KCNMA1: variants seen among roughly 807,000 people sequenced by gnomAD.
KCNMA1 encodes the protein Calcium-activated potassium channel subunit alpha-1.
KCNMA1 carries 29 observed loss-of-function variants against 140.0 expected under a neutral mutation model. The ratio of observed to expected loss-of-function variants is 0.21; its 90% CI spans 0.15 to 0.28. The LOEUF is 0.28. Among genes scored for constraint, KCNMA1 ranks in the 10% least tolerant of loss-of-function variants. The pLI, the probability that KCNMA1 is intolerant of heterozygous loss-of-function variation, is 1.00. For missense variants in KCNMA1, 880 were observed against 1,602.2 expected (o/e 0.55, Z 7.70); for synonymous variants, 612 against 611.9 (o/e 1.00, Z 0.00).
At chr10:77,573,902 A>T (rs1448784737) in intron 1 of KCNMA1, among the ~76,000 whole-genome samples, 1 of 150,830 alleles carries the variant, frequency 6.6e-6, no homozygotes, top group African/African-American at 2.4e-5. Flanking sequence ...CAGTGACACA[A>T]TCTCAGCTCA....
intron 2 of KCNMA1, among the ~76,000 whole-genome samples, chr10:77,274,914 T>C (rs1042861504): frequency 1.3e-5 from 2 of 152,198 alleles, no homozygotes; most frequent in African/African-American, 4.8e-5. Context: ...AGGGAAGTGA[T>C]GAAGACCGAG....
intron 2 of KCNMA1, among the ~76,000 whole-genome samples, chr10:77,323,295 T>C (rs746024296): frequency 6.6e-5 from 10 of 152,092 alleles, no homozygotes; most frequent in Non-Finnish European, 1.5e-5. Flanking sequence ...AAGCAATAGG[T>C]CCCCTCATTT....
At chr10:77,012,986 G>C (rs1297359243) in intron 17 of KCNMA1, among the ~76,000 whole-genome samples, 1 of 152,138 alleles carries the variant, frequency 6.6e-6, no homozygotes, top group Non-Finnish European at 1.5e-5. Context: ...AAATTCACTG[G>C]AACAACCCTA....
In KCNMA1 at chr10:77,536,157, A is replaced by G. The variant is rs11002198; in HGVS notation, c.378+101108T>C. Among the ~76,000 whole-genome samples the G allele has an allele frequency of 1.1e-3, 167 of 152,376 alleles. No individual in the cohort carries two copies. The East Asian group carries it at 0.028, about 25-fold the overall frequency. ...GCAAACTATCACAGGGGCCTCATAAATACATAAAACTATTATGTATCCATA... is the reference window on the plus strand; with the variant it reads ...GCAAACTATCACAGGGGCCTCATAAGTACATAAAACTATTATGTATCCATA... On this transcript the variant is annotated intron_variant, in intron 1 of 27. Transcript: ENST00000286628.
intron 7 of KCNMA1, 82 bp downstream of exon 7, chr10:77,112,285 G>A (rs929532150): frequency 2.0e-6 from 2 of 990,510 alleles, no homozygotes; most frequent in African/African-American, 3.2e-5. Flanking sequence ...TTTCCAGCAA[G>A]ATAAATTTTA....
At chr10:77,247,719 G>A (rs1481471842) in intron 3 of KCNMA1, among the ~76,000 whole-genome samples, 1 of 152,162 alleles carries the variant, frequency 6.6e-6, no homozygotes, top group Non-Finnish European at 1.5e-5. Flanking sequence ...ATGGTGTGTG[G>A]AGGGCTCAAT....
At chr10:77,391,000 C>T (rs2095800971) in intron 2 of KCNMA1, among the ~76,000 whole-genome samples, 1 of 152,112 alleles carries the variant, frequency 6.6e-6, no homozygotes, top group Non-Finnish European at 1.5e-5. Flanking sequence ...AGCCACAAAA[C>T]ATGTGGGGAG....
chr10:77,055,854 G>A (rs965508407), intron 14 of KCNMA1, among the ~76,000 whole-genome samples: 1 of 152,144 alleles, frequency 6.6e-6, no homozygotes, highest in Admixed American at 6.5e-5. Flanking sequence ...AGAGGACATG[G>A]GGAAGTAGTC....
Position 77,110,299 on chromosome 10 carries a change from C to T in KCNMA1, c.1005G>A (p.Gln335=). ...AGACACATTCCCAGTAGGTGAGAGCCTGGTTGTTTTGGAAATTTTCCCATG... is the reference window on the plus strand; with the variant it reads ...AGACACATTCCCAGTAGGTGAGAGCTTGGTTGTTTTGGAAATTTTCCCATG... ...GDPWENFQNN[Q]ALTYWECVYL... is the part of the protein sequence containing the mutation. Residue 335 remains glutamine (Q), a synonymous_variant, in exon 8 of 28, where the codon CAG becomes CAA. Coordinates refer to ENST00000286628, the MANE Select transcript of KCNMA1 (RefSeq NM_001161352.2). 3 of 1,614,022 alleles carry T rather than the reference C, an allele frequency of 1.9e-6. No individual in the cohort carries two copies. The highest frequency in any genetic ancestry group is 2.5e-6 in the Non-Finnish European group (3 of 1,179,908).
chr10:77,483,450 C>T (rs1036096132), intron 1 of KCNMA1, among the ~76,000 whole-genome samples: 4 of 152,160 alleles, frequency 2.6e-5, no homozygotes, highest in Non-Finnish European at 5.9e-5. Flanking sequence ...GGGCAGGTGA[C>T]GAGGAGAAAG....
At chr10:77,377,169 T>C (rs1345696783) in intron 2 of KCNMA1, among the ~76,000 whole-genome samples, 2 of 152,136 alleles carry the variant, frequency 1.3e-5, no homozygotes, top group African/African-American at 4.8e-5. Flanking sequence ...CACAGCACAT[T>C]CCAGGGCAGC....
intron 14 of KCNMA1, among the ~76,000 whole-genome samples, chr10:77,068,698 TTGTGTGTGTGTGTGTG>T (rs199660003): frequency 7.5e-6 from 1 of 132,576 alleles, no homozygotes; most frequent in Non-Finnish European, 1.6e-5. Context: ...GTTCCAGGTT[TTGTGTGTGTGTGTGTG>T]TGTGTGTGTG....
intron 2 of KCNMA1, among the ~76,000 whole-genome samples, chr10:77,280,070 C>A (rs1204477692): frequency 6.6e-6 from 1 of 152,134 alleles, no homozygotes; most frequent in African/African-American, 2.4e-5. Flanking sequence ...TGAAAACTTC[C>A]AGATCCTTCC....
chr10:77,230,227 T>C (rs113760235), intron 3 of KCNMA1, among the ~76,000 whole-genome samples: 4,341 of 152,232 alleles, frequency 0.029, 72 homozygotes, highest in South Asian at 0.091. Context: ...AGATGAAACA[T>C]CTAGAAGAGG....
chr10:76,921,626 C>T (rs921827122), intron 23 of KCNMA1, among the ~76,000 whole-genome samples: 5 of 152,178 alleles, frequency 3.3e-5, no homozygotes, highest in Admixed American at 6.5e-5. Flanking sequence ...AATAGCTCCC[C>T]TGAGCAACTA....
At chr10:77,499,726 C>G (rs1261409558) in intron 1 of KCNMA1, among the ~76,000 whole-genome samples, 1 of 152,130 alleles carries the variant, frequency 6.6e-6, no homozygotes, top group Middle Eastern at 3.4e-3. Context: ...TTAATCAAAA[C>G]AAGGAATTCA....
chr10:77,154,089 C>T (rs1285560243), intron 5 of KCNMA1, among the ~76,000 whole-genome samples: 2 of 152,086 alleles, frequency 1.3e-5, no homozygotes, highest in Non-Finnish European at 2.9e-5. Flanking sequence ...ATGCTTTTCT[C>T]GTGATAGTGA....
At chr10:77,055,854 G>C (rs965508407) in intron 14 of KCNMA1, among the ~76,000 whole-genome samples, 1 of 152,144 alleles carries the variant, frequency 6.6e-6, no homozygotes, top group Non-Finnish European at 1.5e-5. Flanking sequence ...AGAGGACATG[G>C]GGAAGTAGTC....
chr10:77,515,206 G>A (rs911239007), intron 1 of KCNMA1, among the ~76,000 whole-genome samples: 3 of 152,100 alleles, frequency 2.0e-5, no homozygotes, highest in Non-Finnish European at 2.9e-5. Flanking sequence ...ATTCAGCACC[G>A]GGGGATGGGG....
Sources: allele counts gnomAD v4.1 joint callset (sites outside exome capture counted in the v4.1 genomes callset), GRCh38; gene constraint gnomAD v4.1.1; transcripts MANE v1.5; gene names NCBI Gene and HGNC (gene_info 2026-07-23, HGNC 2026-07-21).